ZNF831: variants seen among roughly 807,000 people sequenced by gnomAD.
The protein encoded by ZNF831 is zinc finger protein 831.
A neutral mutation model predicts 95.8 loss-of-function variants in ZNF831; 59 were observed. The ratio of observed to expected loss-of-function variants is 0.62; its 90% CI spans 0.50 to 0.77. The LOEUF (loss-of-function observed/expected upper bound fraction) is 0.77. Ranked by LOEUF, ZNF831 falls within the 30% of genes least tolerant of loss-of-function variation. ZNF831 has a pLI of 0.00. For synonymous variants in ZNF831, 961 were observed against 925.5 expected, an observed-to-expected ratio of 1.04 and a Z score of -0.70; for missense variants, 2,205 against 2,164.0, an observed-to-expected ratio of 1.02 and a Z score of -0.38.
At chr20:59,142,558 A>G (rs1208193630) in intron 1 of ZNF831, among the ~76,000 whole-genome samples, 1 of 152,230 alleles carries the variant, frequency 6.6e-6, no homozygotes, top group Non-Finnish European at 1.5e-5. Context: ...GGATTAAATA[A>G]CAACACATCA....
Position 59,207,037 on chromosome 20 carries a change from G to A in ZNF831, c.4008G>A (p.Gln1336=). ...TGAAGCCATGCAGGACCCCTGGGCA[G>A]ACCTCTTCAGAAATAGCAGGTAATG... The part of the protein sequence containing the change: ...EGLKPCRTPG[Q]TSSEIAGLNL... Residue 1336 remains glutamine, a synonymous_variant, in exon 4 of 6, where the codon CAG becomes CAA. Coordinates refer to ENST00000371030, the MANE Select transcript of ZNF831 (RefSeq NM_178457.3). 1 of 1,614,062 alleles carries A rather than the reference G, an allele frequency of 6.2e-7. No individual in the cohort carries two copies. Among genetic ancestry groups the A allele is most frequent in the Non-Finnish European group, 8.5e-7 (1 of 1,179,998 alleles).
chr20:59,171,417 C>T (rs1208031155), intron 1 of ZNF831, among the ~76,000 whole-genome samples: 1 of 152,182 alleles, frequency 6.6e-6, no homozygotes, highest in African/African-American at 2.4e-5. Context: ...CCTGTGCAGC[C>T]CCATGTGTAC....
Position 59,259,098 on chromosome 20 carries a change from A to G in ZNF831, c.*4355A>G, listed in dbSNP as rs1282100989. 6.6e-6 allele frequency: 1 copy of G among 152,228 alleles called. No homozygotes were observed. The highest frequency in any genetic ancestry group is 1.9e-4 in the East Asian group (1 of 5,200). 9.4% of individuals were successfully genotyped at this position (152,228 alleles called of 1,614,324 possible). A position where few individuals can be genotyped will look rare whatever the true frequency, so the allele number is the denominator to read the frequency against. The stretch of plus-strand genomic sequence containing the variant: ...AAATTATTTTGTTTTGATAAAAATA[A>G]AACTTAAAATGCAAATGTCTCACGT... On this transcript the variant is annotated 3_prime_UTR_variant, in exon 6 of 6. Coordinates refer to ENST00000371030, the MANE Select transcript of ZNF831 (RefSeq NM_178457.3).
At chr20:59,163,632 C>T (rs1241783795), upstream of ZNF831, among the ~76,000 whole-genome samples, 1 of 152,014 alleles carries the variant, frequency 6.6e-6, no homozygotes, top group Non-Finnish European at 1.5e-5. Flanking sequence ...TGTTTTTTTG[C>T]ACACCTACAT....
chr20:59,156,351 C>A (rs957431246), intron 2 of ZNF831, among the ~76,000 whole-genome samples: 4 of 152,188 alleles, frequency 2.6e-5, no homozygotes, highest in Non-Finnish European at 4.4e-5. Context: ...CGTGGTGAAA[C>A]CTTGTCTCTA....
intron 1 of ZNF831, among the ~76,000 whole-genome samples, chr20:59,188,679 TAA>T (rs1983263507): frequency 6.6e-6 from 1 of 151,740 alleles, no homozygotes; most frequent in African/African-American, 2.4e-5. Flanking sequence ...AATAAATAAA[TAA>T]ATAAATTGGG....
intron 2 of ZNF831, among the ~76,000 whole-genome samples, chr20:59,148,969 G>A (rs1335247815): frequency 2.0e-5 from 3 of 152,146 alleles, no homozygotes; most frequent in Non-Finnish European, 2.9e-5. Context: ...TCTGGGCTGC[G>A]GGCACTCGAG....
At chr20:59,239,580 C>T (rs1437171130) in intron 4 of ZNF831, among the ~76,000 whole-genome samples, 4 of 135,338 alleles carry the variant, frequency 3.0e-5, no homozygotes, top group East Asian at 2.2e-4. Flanking sequence ...GATAGAGTCT[C>T]GCTCTGTCGC....
chr20:59,134,329 T>C, intron 1 of ZNF831, among the ~76,000 whole-genome samples: 1 of 152,192 alleles, frequency 6.6e-6, no homozygotes, highest in East Asian at 1.9e-4. Context: ...TGTCTGTATT[T>C]CCTTATGGGG....
chr20:59,147,208 CAG>C (rs1979916501), intron 2 of ZNF831, among the ~76,000 whole-genome samples: 2 of 152,226 alleles, frequency 1.3e-5, no homozygotes, highest in Admixed American at 6.5e-5. Context: ...TCTGTGCAGT[CAG>C]GGGATGAATC....
At chr20:59,162,883 G>A (rs561207602), upstream of ZNF831, among the ~76,000 whole-genome samples, 1 of 152,266 alleles carries the variant, frequency 6.6e-6, no homozygotes, top group South Asian at 2.1e-4. Flanking sequence ...GAGCAGTATG[G>A]ACATTTTAAT....
intron 1 of ZNF831, among the ~76,000 whole-genome samples, chr20:59,189,135 C>T (rs895926504): frequency 6.6e-6 from 1 of 151,514 alleles, no homozygotes; most frequent in African/African-American, 2.4e-5. Flanking sequence ...GAGCTGAGAT[C>T]GCACCACTGC....
At position 59,209,151 on chromosome 20, in the gene ZNF831, G is replaced by A. The variant is rs374655210; in HGVS notation, c.4027+2095G>A. Among the ~76,000 whole-genome samples, 6 of 152,334 alleles carry A rather than the reference G, an allele frequency of 3.9e-5. No individual in the cohort carries two copies. The South Asian group carries it at 1.0e-3, about 26-fold the overall frequency. The stretch of plus-strand genomic sequence containing the variant: ...TGCTTCCCCGGGACATCTCGTGTCT[G>A]TCTGTCTAGGATGTCGACGGTCTGT... On this transcript the variant is annotated intron_variant, in intron 4 of 5. Coordinates refer to ENST00000371030, the MANE Select transcript of ZNF831 (RefSeq NM_178457.3).
chr20:59,212,859 T>C (rs1985437716), intron 4 of ZNF831, among the ~76,000 whole-genome samples: 1 of 152,180 alleles, frequency 6.6e-6, no homozygotes, highest in South Asian at 2.1e-4. Flanking sequence ...TCCATGCCCT[T>C]CAGATTAATT....
chr20:59,127,919 G>A (rs887331110), intron 1 of ZNF831, among the ~76,000 whole-genome samples: 8 of 152,228 alleles, frequency 5.3e-5, no homozygotes, highest in African/African-American at 1.9e-4. Flanking sequence ...AGCTCTCAGG[G>A]CAGTGCCCAT....
At chr20:59,196,336 T>C (rs1052764719) in intron 3 of ZNF831, among the ~76,000 whole-genome samples, 4 of 152,230 alleles carry the variant, frequency 2.6e-5, no homozygotes, top group Non-Finnish European at 5.9e-5. Flanking sequence ...TGAATGTCCT[T>C]TGCAGAAAAA....
chr20:59,183,308 T>G (rs1312818885), intron 1 of ZNF831, among the ~76,000 whole-genome samples: 2 of 152,150 alleles, frequency 1.3e-5, no homozygotes, highest in African/African-American at 4.8e-5. Context: ...CCTAGCTGGG[T>G]GCTAGTGGAC....
chr20:59,228,941 C>A (rs8120150), intron 4 of ZNF831, among the ~76,000 whole-genome samples: 16 of 152,288 alleles, frequency 1.1e-4, no homozygotes, highest in African/African-American at 3.9e-4. Context: ...TACGCCTTCA[C>A]AAGTTTTTCT....
chr20:59,146,370 T>C (rs931335500), exon 2 of ZNF831: 1 of 152,262 alleles, frequency 6.6e-6, no homozygotes, highest in Non-Finnish European at 1.5e-5. Flanking sequence ...ACTGAGCACT[T>C]AAAGGTGAGA....
Sources: allele counts gnomAD v4.1 joint callset (sites outside exome capture counted in the v4.1 genomes callset), GRCh38; gene constraint gnomAD v4.1.1; transcripts MANE v1.5; gene names NCBI Gene and HGNC (gene_info 2026-07-23, HGNC 2026-07-21).